Variants in DOK6 observed in about 807,000 individuals in gnomAD.
DOK6 encodes the protein docking protein 6.
Under a neutral mutation model 44.0 loss-of-function variants are expected in DOK6, and 22 were observed. The observed-to-expected ratio is 0.50, with a 90% confidence interval of 0.36 to 0.71. The LOEUF is 0.71. Ranked by LOEUF, DOK6 falls within the 30% of genes least tolerant of loss-of-function variation. The pLI, the probability that DOK6 is intolerant of heterozygous loss-of-function variation, is 0.00. For synonymous variants in DOK6, 166 were observed against 145.5 expected (o/e 1.14, Z -1.01); for missense variants, 340 against 416.4 (o/e 0.82, Z 1.60).
chr18:69,753,952 CATAACAT>C (rs1405451221), intron 6 of DOK6, among the ~76,000 whole-genome samples: 1 of 150,384 alleles, frequency 6.6e-6, no homozygotes, highest in Non-Finnish European at 1.5e-5. Flanking sequence ...GAAATAATCT[CATAACAT>C]AATTTTTTAT....
At chr18:69,545,053 G>A (rs1327062873) in intron 1 of DOK6, among the ~76,000 whole-genome samples, 9 of 150,368 alleles carry the variant, frequency 6.0e-5, no homozygotes, top group African/African-American at 1.7e-4. Context: ...CCCGGGGGTG[G>A]AGGTTGCAGT....
intron 6 of DOK6, among the ~76,000 whole-genome samples, chr18:69,755,588 A>G (rs1203549243): frequency 6.6e-6 from 1 of 152,206 alleles, no homozygotes; most frequent in Non-Finnish European, 1.5e-5. Flanking sequence ...CGAAAGTCCT[A>G]TCTTTTCTCC....
At chr18:69,749,141 A>G (rs9948181) in intron 6 of DOK6, among the ~76,000 whole-genome samples, 21,170 of 150,988 alleles carry the variant, frequency 0.14, 1,565 homozygotes, top group Middle Eastern at 0.23. Context: ...GACAACACAC[A>G]CTGGGGCCTG....
chr18:69,449,063 G>T (rs1334696782), intron 1 of DOK6, among the ~76,000 whole-genome samples: 8 of 152,188 alleles, frequency 5.3e-5, no homozygotes, highest in Admixed American at 3.9e-4. Context: ...TTGTACATAT[G>T]TTCATCCTAG....
intron 4 of DOK6, among the ~76,000 whole-genome samples, chr18:69,689,703 G>A (rs61432846): frequency 0.51 from 77,251 of 151,826 alleles, 20,829 homozygotes; most frequent in East Asian, 0.79. Flanking sequence ...ATTTATATAG[G>A]AGAATATAGT....
At chr18:69,604,503 G>C (rs1983949576) in intron 3 of DOK6, among the ~76,000 whole-genome samples, 1 of 152,150 alleles carries the variant, frequency 6.6e-6, no homozygotes, top group Non-Finnish European at 1.5e-5. Flanking sequence ...CTAGCAAATG[G>C]TTTTCAACTA....
chr18:69,581,507 AG>A lies in DOK6; in HGVS notation c.174+16916del, dbSNP rs375170446. Among the ~76,000 whole-genome samples the A allele has an allele frequency of 2.9e-3, 449 of 152,256 alleles. 1 individual carries two copies. The highest frequency in any genetic ancestry group is 0.011 in the African/African-American group (439 of 41,536). ...AATTTTACTTTAGCTTTCTAATGGG[AG>A]GGAATTTTTTAGGCTGACAAAATTA... On this transcript the variant is annotated intron_variant, in intron 2 of 7. Coordinates refer to ENST00000382713, the MANE Select transcript of DOK6 (RefSeq NM_152721.6).
At chr18:69,426,162 A>G (rs1006442033) in intron 1 of DOK6, among the ~76,000 whole-genome samples, 2 of 152,054 alleles carry the variant, frequency 1.3e-5, no homozygotes, top group African/African-American at 4.8e-5. Context: ...CATATACCAC[A>G]TTTCTGCATA....
intron 1 of DOK6, among the ~76,000 whole-genome samples, chr18:69,524,934 GA>G (rs920409935): frequency 6.6e-6 from 1 of 151,578 alleles, no homozygotes; most frequent in African/African-American, 2.4e-5. Context: ...GGAGAGATGA[GA>G]AATGCTTTTT....
chr18:69,801,295 A>G (rs902786439), intron 7 of DOK6, among the ~76,000 whole-genome samples: 2 of 152,088 alleles, frequency 1.3e-5, no homozygotes, highest in African/African-American at 4.8e-5. Context: ...AATATAACCA[A>G]CACTCATTGT....
chr18:69,605,970 G>A (rs1281606540), intron 3 of DOK6, among the ~76,000 whole-genome samples: 1 of 152,044 alleles, frequency 6.6e-6, no homozygotes, highest in Non-Finnish European at 1.5e-5. Flanking sequence ...CGACATGATT[G>A]TCTATATTTA....
intron 2 of DOK6, among the ~76,000 whole-genome samples, chr18:69,572,075 G>A (rs1983127815): frequency 6.6e-6 from 1 of 152,060 alleles, no homozygotes; most frequent in African/African-American, 2.4e-5. Context: ...TATCTAGAAA[G>A]CTCTAAATAT....
At chr18:69,780,502 G>A (rs1415125816) in intron 7 of DOK6, among the ~76,000 whole-genome samples, 6 of 152,218 alleles carry the variant, frequency 3.9e-5, no homozygotes, top group Admixed American at 3.9e-4. Flanking sequence ...TGAGGCAGGA[G>A]AGTCACTTGA....
chr18:69,504,920 T>C (rs930062716), intron 1 of DOK6, among the ~76,000 whole-genome samples: 1 of 152,222 alleles, frequency 6.6e-6, no homozygotes, highest in Non-Finnish European at 1.5e-5. Flanking sequence ...TCTTTTTCTC[T>C]AATTAAAAGC....
chr18:69,526,715 C>A (rs1442672), intron 1 of DOK6, among the ~76,000 whole-genome samples: 42,623 of 152,012 alleles, frequency 0.28, 6,195 homozygotes, highest in Middle Eastern at 0.39. Flanking sequence ...GATTTCAGTT[C>A]TTTTAAACAT....
intron 4 of DOK6, among the ~76,000 whole-genome samples, chr18:69,690,193 T>C (rs1015985515): frequency 6.6e-6 from 1 of 152,178 alleles, no homozygotes; most frequent in African/African-American, 2.4e-5. Flanking sequence ...TGTGGAATTT[T>C]TTTTTTTTAA....
chr18:69,781,295 C>T (rs1262778297), intron 7 of DOK6: 4 of 152,162 alleles, frequency 2.6e-5, no homozygotes, highest in Admixed American at 2.6e-4. Flanking sequence ...TCTCCCATGA[C>T]ATTCCTAGAT....
At chr18:69,569,950 A>G (rs994688459) in intron 2 of DOK6, among the ~76,000 whole-genome samples, 5 of 152,144 alleles carry the variant, frequency 3.3e-5, no homozygotes, top group African/African-American at 4.8e-5. Flanking sequence ...CAGAAAAACC[A>G]TATACCACCT....
chr18:69,638,595 A>G (rs1250844287), intron 3 of DOK6, among the ~76,000 whole-genome samples: 9 of 152,060 alleles, frequency 5.9e-5, no homozygotes, highest in Non-Finnish European at 1.3e-4. Context: ...GAAACTGAAT[A>G]TTTGGCTTCA....
Sources: allele counts gnomAD v4.1 joint callset (sites outside exome capture counted in the v4.1 genomes callset), GRCh38; gene constraint gnomAD v4.1.1; transcripts MANE v1.5; gene names NCBI Gene and HGNC (gene_info 2026-07-23, HGNC 2026-07-21).